Variants in TWNK observed in about 807,000 individuals in gnomAD.
TWNK encodes the protein T7 gp4-like protein with intramitochondrial nucleoid localization.
In TWNK, 36 loss-of-function variants were observed where a neutral mutation model predicts 58.2. The ratio of observed to expected loss-of-function variants is 0.62; its 90% CI spans 0.47 to 0.82. The LOEUF (loss-of-function observed/expected upper bound fraction) is 0.82, where lower values mean the gene tolerates loss of function less well. TWNK is among the 40% of genes least tolerant of loss of function. TWNK has a pLI of 0.00. For missense variants in TWNK, 714 were observed against 881.0 expected (o/e 0.81, Z 2.40); for synonymous variants, 349 against 348.5 (o/e 1.00, Z -0.02).
At chr10:100,990,590 A>G (rs1381316967) in intron 3 of TWNK, 47 bp downstream of exon 3, 2 of 1,613,056 alleles carry the variant, frequency 1.2e-6, no homozygotes, top group African/African-American at 1.3e-5. Context: ...GCTTGGACAT[A>G]CAACACACAC....
In TWNK at chr10:100,990,548, C is replaced by T. The variant is rs1011909627; in HGVS notation, c.1592+5C>T. On this transcript the variant is annotated splice_donor_5th_base_variant and intron_variant, in intron 3 of 4. Transcript: ENST00000311916. ...CGAGCAGCTGTCCACAGACAGGTGA[C>T]GGTGACATCCTCTCTTGTCTAGCTT... 12 of 1,613,862 alleles carry T rather than the reference C, an allele frequency of 7.4e-6. No homozygotes were observed. The highest frequency in any genetic ancestry group is 6.7e-5 in the East Asian group (3 of 44,894).
At position 100,987,824 on chromosome 10, in the gene TWNK, A is replaced by T; in HGVS notation, c.-387A>T. ...CTAGGGCAAAGGGACTACAAAAAGGATGCAGATGACTATAGAAATGAGGAC... is the reference window on the plus strand; with the variant it reads ...CTAGGGCAAAGGGACTACAAAAAGGTTGCAGATGACTATAGAAATGAGGAC... On this transcript the variant is annotated 5_prime_UTR_variant, in exon 1 of 5. An upstream start codon of the reference 5' UTR is lost. Transcript: ENST00000311916. 1 of 589,504 alleles carries T rather than the reference A, an allele frequency of 1.7e-6. No homozygotes were observed. Among genetic ancestry groups the T allele is most frequent in the South Asian group, 2.1e-5 (1 of 46,712 alleles). 36.5% of individuals were successfully genotyped at this position (589,504 alleles called of 1,614,324 possible).
chr10:100,993,123 G>T, intron 4 of TWNK, 67 bp from the exon 5 acceptor site: 1 of 1,526,100 alleles, frequency 6.6e-7, no homozygotes, highest in Non-Finnish European at 9.1e-7. Flanking sequence ...TGCCCTGTCA[G>T]CCCCCCTTTC....
Position 100,993,250 on chromosome 10 carries a change from G to C in TWNK, c.1795G>C (p.Gly599Arg). The C allele has an allele frequency of 6.2e-7, 1 of 1,614,240 alleles. No individual in the cohort carries two copies. The highest frequency in any genetic ancestry group is 8.5e-7 in the Non-Finnish European group (1 of 1,180,052). Residue 599 changes from glycine (G) to arginine (R), a missense_variant, in exon 5 of 5, where the codon GGG (glycine) becomes CGG (arginine). Coordinates refer to ENST00000311916, the MANE Select transcript of TWNK (RefSeq NM_021830.5). ...LQDRKLVTGP[G>R]KRYLQVSKNR... ...GGACAGGAAGCTGGTAACCGGGCCA[G>C]GGAAACGGTATCTGCAGGTGTCCAA...
Position 100,989,074 on chromosome 10 carries a change from C to A in TWNK, c.864C>A (p.Thr288=). The change falls in exon 1 of 5, where the codon ACC becomes ACA. Residue 288 remains threonine (T), a synonymous_variant. Transcript: ENST00000311916. The surrounding 1 kb of genome is among the most constrained non-coding windows in gnomAD (Gnocchi z 7.6). ...CCCTTACTCTACCCCGAGGAACGAC[C>A]TGCTTACCCCCTGCCTTACTCCCTT... ...LPTLTLPRGT[T]CLPPALLPYL... is the part of the protein sequence containing the mutation. 2 of 1,613,972 alleles carry A rather than the reference C, an allele frequency of 1.2e-6. No individual in the cohort carries two copies. The highest frequency in any genetic ancestry group is 1.7e-6 in the Non-Finnish European group (2 of 1,179,884).
Position 100,987,627 on chromosome 10 carries a change from G to C in TWNK, c.-584G>C, listed in dbSNP as rs1564806518. ...GAGAGAAAAGTGGTAACCTGGGGCT[G>C]GGGGCCGGCGCGGCGGAGCTCGGAG... On this transcript the variant is annotated 5_prime_UTR_variant, in exon 1 of 5. Coordinates refer to ENST00000311916, the MANE Select transcript of TWNK (RefSeq NM_021830.5). The C allele has an allele frequency of 3.6e-6, 3 of 842,884 alleles. No homozygotes were observed. Among genetic ancestry groups the C allele is most frequent in the Non-Finnish European group, 5.4e-6 (3 of 559,082 alleles). The allele number at this position is 842,884 out of a possible 1,614,324, so 52.2% of individuals were successfully genotyped here.
In TWNK at chr10:100,988,255, A is replaced by G; in HGVS notation, c.45A>G (p.Leu15=). Residue 15 remains leucine, a synonymous_variant, in exon 1 of 5, where the codon TTA becomes TTG. Transcript: ENST00000311916. This position sits in a 1 kb window ranked among gnomAD's most constrained non-coding sequence, Gnocchi z 5.2. Reference sequence around the variant, plus strand: ...GTGGGTACCCCCTCCGTATCTTGTTACCCCTGCGTGGGGAGTGGATGGGTC... The same window carrying G: ...GTGGGTACCCCCTCCGTATCTTGTTGCCCCTGCGTGGGGAGTGGATGGGTC... ...LRSGYPLRIL[L]PLRGEWMGRR... is the part of the protein sequence containing the mutation. The G allele has an allele frequency of 6.2e-7, 1 of 1,613,456 alleles. No individual in the cohort carries two copies. Among genetic ancestry groups the G allele is most frequent in the Non-Finnish European group, 8.5e-7 (1 of 1,179,944 alleles).
rs1339178753 is a variant in TWNK at position 100,990,419 on chromosome 10, GC to G, written c.1485-15del. The G allele has an allele frequency of 6.3e-7, 1 of 1,599,522 alleles. No homozygotes were observed. Among genetic ancestry groups the G allele is most frequent in the East Asian group, 2.2e-5 (1 of 44,782 alleles). ...CTAGAGACAACTTGTCAAATTCCTT[GC>G]CTTTCCTCTTCCCAGGACTGTAATA... On this transcript the variant is annotated splice_polypyrimidine_tract_variant and intron_variant, in intron 2 of 4. Transcript: ENST00000311916.
rs571305075 is a variant in TWNK at position 100,994,209 on chromosome 10, C to T, written c.*699C>T. On this transcript the variant is annotated 3_prime_UTR_variant, in exon 5 of 5. Transcript: ENST00000311916. ...TAGAATTGGATCCTAGGTGCTTAGC[C>T]CTGCAATATCAGGGCCTCACTGGTG... 3 of 152,850 alleles carry T rather than the reference C, an allele frequency of 2.0e-5. No homozygotes were observed. The highest frequency in any genetic ancestry group is 7.2e-5 in the African/African-American group (3 of 41,534). The allele number at this position is 152,850 out of a possible 1,614,324, so 9.5% of individuals were successfully genotyped here.
chr10:100,993,079 C>T, intron 4 of TWNK, 111 bp from the exon 5 acceptor site: 3 of 1,167,228 alleles, frequency 2.6e-6, no homozygotes, highest in East Asian at 2.3e-5. Context: ...AGCCATTGTA[C>T]CCAGCCCCTC....
In TWNK at chr10:100,993,536, A is replaced by G. The variant is rs1336420663; in HGVS notation, c.*26A>G. ...AGGCCGTGCAGAGCTGGTCACTGAA[A>G]TGAGCCTGATAGGATAGGCTGGAGC... On this transcript the variant is annotated 3_prime_UTR_variant, in exon 5 of 5. Transcript: ENST00000311916. The G allele has an allele frequency of 1.2e-6, 2 of 1,612,580 alleles. No homozygotes were observed. Among genetic ancestry groups the G allele is most frequent in the South Asian group, 1.1e-5 (1 of 91,016 alleles).
intron 4 of TWNK, chr10:100,991,363 A>G (rs1444749357): frequency 1.1e-5 from 4 of 363,098 alleles, no homozygotes; most frequent in East Asian, 6.4e-5. Context: ...AGGAGGTGAC[A>G]ACAAAGGTTG....
Position 100,989,147 on chromosome 10 carries a change from C to G in TWNK, c.937C>G (p.Arg313Gly). The change falls in exon 1 of 5, where the codon CGG becomes GGG. Residue 313 changes from arginine to glycine, a missense_variant. Transcript: ENST00000311916. This position sits in a 1 kb window ranked among gnomAD's most constrained non-coding sequence, Gnocchi z 7.6. Reference sequence around the variant, plus strand: ...TGTATTCTGGTTGGGGGATGACCTTCGGTCCTGGGAAGCCGCCAAGTTGTT... The same window carrying G: ...TGTATTCTGGTTGGGGGATGACCTTGGGTCCTGGGAAGCCGCCAAGTTGTT... The part of the protein sequence containing the change: ...RIVFWLGDDL[R>G]SWEAAKLFAR... 1 of 1,612,142 alleles carries G rather than the reference C, an allele frequency of 6.2e-7. No individual in the cohort carries two copies.
rs1851644873 is a variant in TWNK, at chr10:100,988,405, G to T, written c.195G>T (p.Arg65=). The change falls in exon 1 of 5, where the codon CGG becomes CGT. Residue 65 remains arginine (R), a synonymous_variant. Coordinates refer to ENST00000311916, the MANE Select transcript of TWNK (RefSeq NM_021830.5). The surrounding 1 kb of genome is among the most constrained non-coding windows in gnomAD (Gnocchi z 5.2). ...VTATEIRQYL[R]GHGIPFQDGH... Reference sequence around the variant, plus strand: ...CAACTGAAATCCGCCAGTATTTGCGGGGGCATGGGATCCCCTTCCAGGATG... The same window carrying T: ...CAACTGAAATCCGCCAGTATTTGCGTGGGCATGGGATCCCCTTCCAGGATG... The T allele has an allele frequency of 6.2e-7, 1 of 1,614,260 alleles. No homozygotes were observed. Among genetic ancestry groups the T allele is most frequent in the East Asian group, 2.2e-5 (1 of 44,886 alleles).
In TWNK at chr10:100,988,732, G is replaced by C. The variant is rs767589437; in HGVS notation, c.522G>C (p.Gln174His). 50 of 1,614,072 alleles carry C rather than the reference G, an allele frequency of 3.1e-5. No individual in the cohort carries two copies. The highest frequency in any genetic ancestry group is 4.2e-5 in the Non-Finnish European group (50 of 1,180,046). ...AGCTGCCTGATCAGGAGGAGGTTCAGCTGGCTGATACAATGTTTGGCCTTA... is the reference window on the plus strand; with the variant it reads ...AGCTGCCTGATCAGGAGGAGGTTCACCTGGCTGATACAATGTTTGGCCTTA... ...LWELPDQEEV[Q>H]LADTMFGLTK... The change falls in exon 1 of 5, where the codon CAG (glutamine) becomes CAC (histidine). Residue 174 changes from glutamine (Q) to histidine (H), a missense_variant. This residue lies in a region of TWNK where 348 missense variants were observed against 388.4 expected (regional missense o/e 0.90). Transcript: ENST00000311916. This position sits in a 1 kb window ranked among gnomAD's most constrained non-coding sequence, Gnocchi z 5.2.
chr10:100,992,751 T>TG (rs898869709), intron 4 of TWNK, among the ~76,000 whole-genome samples: 2 of 151,312 alleles, frequency 1.3e-5, no homozygotes, highest in Non-Finnish European at 1.5e-5. Flanking sequence ...GCTTTGGTCA[T>TG]GGGGGGAAGT....
chr10:100,992,579 C>T (rs1049835147), intron 4 of TWNK, among the ~76,000 whole-genome samples: 14 of 132,582 alleles, frequency 1.1e-4, no homozygotes, highest in African/African-American at 3.9e-4. Context: ...TGAGATGTGA[C>T]ATTTAGACTG....
chr10:100,992,272 G>C (rs1356926316), intron 4 of TWNK, among the ~76,000 whole-genome samples: 32 of 135,462 alleles, frequency 2.4e-4, no homozygotes, highest in African/African-American at 8.3e-4. Context: ...GGAGTGCAGT[G>C]GCGCGATCTC....
At position 100,987,934 on chromosome 10, in the gene TWNK, T is replaced by C. The variant is rs1851620116; in HGVS notation, c.-277T>C. On this transcript the variant is annotated 5_prime_UTR_variant, in exon 1 of 5. An upstream open reading frame in the 5' UTR loses its in-frame stop. Transcript: ENST00000311916. ...CAGTGAGGAACTGTATAGAGGGTCA[T>C]AGAGGTGAGGTGGCGGAGAGAAACT... 1 of 618,222 alleles carries C rather than the reference T, an allele frequency of 1.6e-6. No individual in the cohort carries two copies. 38.3% of individuals were successfully genotyped at this position (618,222 alleles called of 1,614,324 possible).
Sources: allele counts gnomAD v4.1 joint callset (sites outside exome capture counted in the v4.1 genomes callset), GRCh38; gene constraint gnomAD v4.1.1; regional missense constraint gnomAD v4.1.1; non-coding constraint Gnocchi (gnomAD v3.1); transcripts MANE v1.5; gene names NCBI Gene and HGNC (gene_info 2026-07-23, HGNC 2026-07-21).